Variants in TBCA observed in about 807,000 individuals in gnomAD.
TBCA encodes tubulin-specific chaperone A.
In TBCA, 6 loss-of-function variants were observed where a neutral mutation model predicts 15.8. The observed-to-expected ratio is 0.38, with a 90% CI of 0.21 to 0.75. The LOEUF is 0.75. Ranked by LOEUF, TBCA falls within the 30% of genes least tolerant of loss-of-function variation. TBCA has a pLI of 0.46. For synonymous variants in TBCA, 32 were observed against 42.3 expected (o/e 0.76, Z 0.94); for missense variants, 90 against 131.2 (o/e 0.69, Z 1.53).
At chr5:77,726,195 A>G (rs1746627955) in intron 1 of TBCA, among the ~76,000 whole-genome samples, 1 of 152,250 alleles carries the variant, frequency 6.6e-6, no homozygotes, top group Non-Finnish European at 1.5e-5. Context: ...AGCCATGCAC[A>G]GTATTTTTAA....
intron 1 of TBCA, among the ~76,000 whole-genome samples, chr5:77,735,626 A>T (rs981439924): frequency 3.3e-5 from 5 of 152,208 alleles, no homozygotes; most frequent in African/African-American, 1.2e-4. Flanking sequence ...TTTTCCTAAA[A>T]TAGGATTAAT....
intron 1 of TBCA, among the ~76,000 whole-genome samples, chr5:77,711,281 G>A (rs1035410580): frequency 6.6e-6 from 1 of 152,138 alleles, no homozygotes; most frequent in African/African-American, 2.4e-5. Flanking sequence ...GAGTAGTTGT[G>A]ATAGAAGAAC....
chr5:77,693,734 G>A (rs1258580117), intron 2 of TBCA: 1 of 187,420 alleles, frequency 5.3e-6, no homozygotes, highest in African/African-American at 2.5e-5. Flanking sequence ...AGGAGGCGGA[G>A]GCTGTGATGA....
chr5:77,772,715 G>T (rs544202136), intron 1 of TBCA, among the ~76,000 whole-genome samples: 3 of 152,170 alleles, frequency 2.0e-5, no homozygotes, highest in Admixed American at 2.0e-4. Flanking sequence ...AATGTCAACA[G>T]AAAAGTCATT....
chr5:77,718,520 G>A lies in TBCA; in HGVS notation c.54-10173C>T, dbSNP rs137941387. Reference sequence around the variant, plus strand: ...TAGTTCCTTAGTACGGAAGAACTAAGGTTGACATCAGAAGCTGATGATTTA... The same window carrying A: ...TAGTTCCTTAGTACGGAAGAACTAAAGTTGACATCAGAAGCTGATGATTTA... On this transcript the variant is annotated intron_variant, in intron 1 of 3. Coordinates refer to ENST00000380377, the MANE Select transcript of TBCA (RefSeq NM_004607.3). Among the ~76,000 whole-genome samples, 333 of 152,304 alleles carry A rather than the reference G, an allele frequency of 2.2e-3. 1 individual carries two copies. Among genetic ancestry groups the A allele is most frequent in the African/African-American group, 7.7e-3 (318 of 41,554 alleles).
At chr5:77,744,801 G>A (rs1168252657) in intron 1 of TBCA, among the ~76,000 whole-genome samples, 1 of 152,100 alleles carries the variant, frequency 6.6e-6, no homozygotes, top group African/African-American at 2.4e-5. Flanking sequence ...CTCCAAAAGT[G>A]CTGAGATTAC....
At chr5:77,724,893 T>C (rs1301474973) in intron 1 of TBCA, among the ~76,000 whole-genome samples, 1 of 152,320 alleles carries the variant, frequency 6.6e-6, no homozygotes. Context: ...AAATACACTA[T>C]TCTGATTTAC....
chr5:77,745,643 G>C (rs1465600278), intron 1 of TBCA, among the ~76,000 whole-genome samples: 1 of 152,162 alleles, frequency 6.6e-6, no homozygotes, highest in Non-Finnish European at 1.5e-5. Context: ...GGCCAATTTT[G>C]GCAAAAACTG....
chr5:77,747,769 G>GA (rs1747223298), intron 1 of TBCA, among the ~76,000 whole-genome samples: 1 of 152,110 alleles, frequency 6.6e-6, no homozygotes, highest in East Asian at 1.9e-4. Context: ...AATAGTGTTT[G>GA]AAACATGAAG....
At chr5:77,726,125 C>A (rs982356654) in intron 1 of TBCA, among the ~76,000 whole-genome samples, 1 of 152,168 alleles carries the variant, frequency 6.6e-6, no homozygotes, top group Non-Finnish European at 1.5e-5. Flanking sequence ...TTACTGTTGT[C>A]ATTTTATTAA....
intron 1 of TBCA, among the ~76,000 whole-genome samples, chr5:77,773,462 A>G (rs1404760297): frequency 6.6e-6 from 1 of 152,246 alleles, no homozygotes; most frequent in Non-Finnish European, 1.5e-5. Context: ...TAAACAGCAT[A>G]GCAGGCAGTT....
intron 1 of TBCA, among the ~76,000 whole-genome samples, chr5:77,726,964 T>A (rs1746642201): frequency 6.6e-6 from 1 of 152,162 alleles, no homozygotes; most frequent in African/African-American, 2.4e-5. Flanking sequence ...TTAGCCCAGA[T>A]GTTGAATATT....
chr5:77,756,391 G>A (rs928805015), intron 1 of TBCA, among the ~76,000 whole-genome samples: 1 of 152,166 alleles, frequency 6.6e-6, no homozygotes, highest in African/African-American at 2.4e-5. Flanking sequence ...CACTCCCATT[G>A]GGCTCCCGGT....
At chr5:77,728,192 T>C (rs1024292232) in intron 1 of TBCA, among the ~76,000 whole-genome samples, 21 of 152,120 alleles carry the variant, frequency 1.4e-4, no homozygotes, top group African/African-American at 5.1e-4. Context: ...TAATATCTAC[T>C]ATCTGAAATA....
At chr5:77,710,827 T>C (rs554176519) in intron 1 of TBCA, among the ~76,000 whole-genome samples, 1 of 152,362 alleles carries the variant, frequency 6.6e-6, no homozygotes, top group African/African-American at 2.4e-5. Context: ...ATTATTATTG[T>C]TGTTTTATTA....
At chr5:77,714,179 G>A (rs1746345939) in intron 1 of TBCA, among the ~76,000 whole-genome samples, 1 of 151,958 alleles carries the variant, frequency 6.6e-6, no homozygotes, top group African/African-American at 2.4e-5. Flanking sequence ...AATTAGTCAG[G>A]TGTGGTGGCA....
chr5:77,691,357 T>C lies in TBCA; in HGVS notation c.*61A>G, dbSNP rs906380293. ...TTGAACACATAGCAGTGGTCAAAAA[T>C]AATGGATTGTAAAATGGACCCCAGG... On this transcript the variant is annotated 3_prime_UTR_variant, in exon 4 of 4. Coordinates refer to ENST00000380377, the MANE Select transcript of TBCA (RefSeq NM_004607.3). 5 of 1,401,324 alleles carry C rather than the reference T, an allele frequency of 3.6e-6. No individual in the cohort carries two copies. The highest frequency in any genetic ancestry group is 1.4e-5 in the African/African-American group (1 of 69,392). 86.8% of individuals were successfully genotyped at this position (1,401,324 alleles called of 1,614,324 possible). A position where few individuals can be genotyped will look rare whatever the true frequency, so the allele number is the denominator to read the frequency against.
intron 2 of TBCA, among the ~76,000 whole-genome samples, chr5:77,705,973 G>A (rs189996700): frequency 2.6e-5 from 4 of 152,072 alleles, no homozygotes; most frequent in South Asian, 2.1e-4. Context: ...AAAGGAAGAT[G>A]GCCTCTCCTA....
At chr5:77,734,218 T>C (rs2112472156) in intron 1 of TBCA, among the ~76,000 whole-genome samples, 1 of 152,306 alleles carries the variant, frequency 6.6e-6, no homozygotes. Context: ...CAACACCCAT[T>C]CTGCAGCCCA....
Sources: gnomAD v4.1 joint callset for allele counts (sites outside exome capture counted in the v4.1 genomes callset) on GRCh38, gnomAD v4.1.1 for gene constraint, MANE v1.5 for transcripts, NCBI Gene and HGNC (gene_info 2026-07-23, HGNC 2026-07-21) for gene names.